Variants in PDE1A observed in about 807,000 individuals in gnomAD.
PDE1A encodes phosphodiesterase 1A, also known as dual specificity calcium/calmodulin-dependent 3',5'-cyclic nucleotide phosphodiesterase 1A.
Under a neutral mutation model 61.7 loss-of-function variants are expected in PDE1A, and 35 were observed. That is an observed-to-expected ratio of 0.57 (90% CI 0.43 to 0.75). The LOEUF is 0.75. Ranked by LOEUF, PDE1A falls within the 30% of genes least tolerant of loss-of-function variation. PDE1A has a pLI of 0.00. For missense variants in PDE1A, 597 were observed against 630.6 expected, an observed-to-expected ratio of 0.95 and a Z score of 0.57; for synonymous variants, 232 against 213.2, an observed-to-expected ratio of 1.09 and a Z score of -0.77.
intron 8 of PDE1A, among the ~76,000 whole-genome samples, chr2:182,205,426 T>C (rs143943574): frequency 3.5e-3 from 528 of 152,298 alleles, no homozygotes; most frequent in Non-Finnish European, 5.7e-3. Context: ...CAATATACCA[T>C]GTAATTTTTT....
chr2:182,287,935 ATGAAT>A (rs1214018533), intron 1 of PDE1A, among the ~76,000 whole-genome samples: 1 of 152,132 alleles, frequency 6.6e-6, no homozygotes, highest in African/African-American at 2.4e-5. Flanking sequence ...CTTTAATTTA[ATGAAT>A]TGAATTGTTC....
chr2:182,608,876 T>C, the PDE1A span, among the ~76,000 whole-genome samples: 1 of 152,210 alleles, frequency 6.6e-6, no homozygotes, highest in Non-Finnish European at 1.5e-5. Context: ...TGGTGGGGAC[T>C]TGTTGAATCT....
chr2:182,420,634 TG>T (rs1703218397), intron 1 of PDE1A, among the ~76,000 whole-genome samples: 1 of 152,222 alleles, frequency 6.6e-6, no homozygotes. Context: ...TTTGGTTTAA[TG>T]TAAAAACTCT....
chr2:182,579,756 CT>C, the PDE1A span, among the ~76,000 whole-genome samples: 2 of 151,908 alleles, frequency 1.3e-5, no homozygotes, highest in Non-Finnish European at 2.9e-5. Context: ...CATTTTAAAT[CT>C]AAATTACTTT....
At chr2:182,147,058 A>C in exon 14 of PDE1A, 1 of 1,497,640 alleles carries the variant, frequency 6.7e-7, no homozygotes, top group Non-Finnish European at 9.2e-7. Context: ...AAATGACAGA[A>C]GTCTTTAAGG....
chr2:182,691,286 AAGGCTAC>A, the PDE1A span, among the ~76,000 whole-genome samples: 1 of 152,232 alleles, frequency 6.6e-6, no homozygotes, highest in Non-Finnish European at 1.5e-5. Flanking sequence ...ACTATACTAC[AAGGCTAC>A]AGTAACCAAA....
intron 1 of PDE1A, among the ~76,000 whole-genome samples, chr2:182,380,755 G>C (rs1454289456): frequency 1.3e-5 from 2 of 152,168 alleles, no homozygotes; most frequent in African/African-American, 4.8e-5. Context: ...ATTATTATTT[G>C]AGGATAATTA....
At chr2:182,249,558 C>T (rs759678991) in intron 2 of PDE1A, among the ~76,000 whole-genome samples, 3 of 151,976 alleles carry the variant, frequency 2.0e-5, no homozygotes, top group Non-Finnish European at 2.9e-5. Flanking sequence ...TCATATGTTG[C>T]GAATATCTTC....
intron 11 of PDE1A, 99 bp downstream of exon 11, chr2:182,188,880 G>A (rs975207710): frequency 3.0e-5 from 22 of 740,490 alleles, no homozygotes; most frequent in Admixed American, 6.5e-5. Context: ...TATGGAGTGA[G>A]GTTTTCATGC....
chr2:182,218,435 CAAG>C (rs1294637933), intron 7 of PDE1A, among the ~76,000 whole-genome samples: 1 of 146,440 alleles, frequency 6.8e-6, no homozygotes, highest in Non-Finnish European at 1.5e-5. Context: ...ATTAAAAAAA[CAAG>C]AAAAAAAAGA....
chr2:182,535,947 C>G, the PDE1A span, among the ~76,000 whole-genome samples: 1 of 152,150 alleles, frequency 6.6e-6, no homozygotes, highest in Non-Finnish European at 1.5e-5. Context: ...TATAAACAGT[C>G]TGCCTTAAAA....
chr2:182,178,474 G>T (rs1228012506), intron 13 of PDE1A, among the ~76,000 whole-genome samples: 1 of 152,146 alleles, frequency 6.6e-6, no homozygotes, highest in Non-Finnish European at 1.5e-5. Flanking sequence ...AAGAGACTTA[G>T]ACAGTTATAG....
the PDE1A span, among the ~76,000 whole-genome samples, chr2:182,534,962 T>TA: frequency 2.0e-5 from 3 of 152,060 alleles, no homozygotes; most frequent in Admixed American, 6.5e-5. Flanking sequence ...TGTGTTTAAA[T>TA]AAAAAACACA....
intron 13 of PDE1A, among the ~76,000 whole-genome samples, chr2:182,160,626 G>T (rs1373627113): frequency 6.6e-6 from 1 of 152,090 alleles, no homozygotes; most frequent in Non-Finnish European, 1.5e-5. Context: ...TGCATTCTTG[G>T]CCTCCTTGGT....
intron 2 of PDE1A, among the ~76,000 whole-genome samples, chr2:182,248,583 T>G (rs1332572634): frequency 7.2e-6 from 1 of 139,412 alleles, no homozygotes; most frequent in African/African-American, 3.4e-5. Flanking sequence ...TATTTTGAAC[T>G]AAAAAGTTTG....
chr2:182,621,309 A>C, the PDE1A span, among the ~76,000 whole-genome samples: 2 of 151,890 alleles, frequency 1.3e-5, no homozygotes, highest in African/African-American at 4.8e-5. Context: ...TGCAGTTGAC[A>C]CTCCCCACTC....
chr2:182,310,110 A>G (rs919082370), intron 1 of PDE1A, among the ~76,000 whole-genome samples: 1 of 152,142 alleles, frequency 6.6e-6, no homozygotes, highest in Admixed American at 6.5e-5. Context: ...AAGAAGAGAC[A>G]AAACCAGGGC....
At chr2:182,669,367 C>T in the PDE1A span, among the ~76,000 whole-genome samples, 1 of 152,204 alleles carries the variant, frequency 6.6e-6, no homozygotes, top group Non-Finnish European at 1.5e-5. Context: ...AAGTCAAAGA[C>T]TGTTCCCAGA....
the PDE1A span, among the ~76,000 whole-genome samples, chr2:182,690,697 A>G: frequency 6.6e-6 from 1 of 152,220 alleles, no homozygotes; most frequent in Non-Finnish European, 1.5e-5. Context: ...GGGCAAGAGA[A>G]AGAAATAAAG....
Sources: gnomAD v4.1 joint callset for allele counts (sites outside exome capture counted in the v4.1 genomes callset) on GRCh38, gnomAD v4.1.1 for gene constraint, MANE v1.5 for transcripts, NCBI Gene and HGNC (gene_info 2026-07-23, HGNC 2026-07-21) for gene names.